PITPNC1: variants seen among roughly 807,000 people sequenced by gnomAD.
PITPNC1 encodes the protein phosphatidylinositol transfer protein cytoplasmic 1, also known as cytoplasmic phosphatidylinositol transfer protein 1.
In PITPNC1, 18 loss-of-function variants were observed where a neutral mutation model predicts 44.7. The ratio of observed to expected loss-of-function variants is 0.40; its 90% CI spans 0.28 to 0.60. The LOEUF (loss-of-function observed/expected upper bound fraction) is 0.60, where lower values mean the gene tolerates loss of function less well. Ranked by LOEUF, PITPNC1 falls within the 20% of genes least tolerant of loss-of-function variation. The pLI, the probability that PITPNC1 is intolerant of heterozygous loss-of-function variation, is 0.39. For synonymous variants in PITPNC1, 141 were observed against 149.6 expected (o/e 0.94, Z 0.42); for missense variants, 290 against 418.4 (o/e 0.69, Z 2.68).
intron 6 of PITPNC1, among the ~76,000 whole-genome samples, chr17:67,661,938 T>C (rs577085687): frequency 1.5e-4 from 22 of 151,566 alleles, no homozygotes; most frequent in Non-Finnish European, 2.7e-4. Flanking sequence ...GAGGTTGCAG[T>C]GAGCCAAGAT....
intron 5 of PITPNC1, among the ~76,000 whole-genome samples, chr17:67,601,610 G>A (rs2144274381): frequency 6.6e-6 from 1 of 152,048 alleles, no homozygotes; most frequent in African/African-American, 2.4e-5. Context: ...AAAAAATTTG[G>A]CAAGCATGGT....
chr17:67,527,782 A>C (rs1222200071), intron 1 of PITPNC1, among the ~76,000 whole-genome samples: 2 of 152,142 alleles, frequency 1.3e-5, no homozygotes, highest in African/African-American at 4.8e-5. Flanking sequence ...AAGTGGGAGA[A>C]TTGCTTAAGG....
Position 67,692,923 on chromosome 17 carries a change from C to T in PITPNC1, c.*35C>T. On this transcript the variant is annotated 3_prime_UTR_variant, in exon 9 of 9. Transcript: ENST00000581322. ...AATATCTCATGGGGTTTTATATTTT[C>T]ATTTGTTGTTGTTGTTTTTTTTTAA... 1 of 1,299,498 alleles carries T rather than the reference C, an allele frequency of 7.7e-7. No individual in the cohort carries two copies. The highest frequency in any genetic ancestry group is 1.5e-5 in the African/African-American group (1 of 66,920). 80.5% of individuals were successfully genotyped at this position (1,299,498 alleles called of 1,614,324 possible).
chr17:67,672,898 A>G lies in PITPNC1; in HGVS notation c.619-2581A>G, dbSNP rs537638352. Among the ~76,000 whole-genome samples the G allele has an allele frequency of 1.2e-3, 181 of 152,060 alleles. 1 individual carries two copies. Among genetic ancestry groups the G allele is most frequent in the Non-Finnish European group, 2.0e-3 (138 of 68,014 alleles). Reference sequence around the variant, plus strand: ...AACACCTTTGTTTTTTTAAGAATCTATTCACAGTTAAGGGGAAAAAAATGT... The same window carrying G: ...AACACCTTTGTTTTTTTAAGAATCTGTTCACAGTTAAGGGGAAAAAAATGT... On this transcript the variant is annotated intron_variant, in intron 7 of 8. Coordinates refer to ENST00000581322, the MANE Select transcript of PITPNC1 (RefSeq NM_012417.4).
intron 1 of PITPNC1, among the ~76,000 whole-genome samples, chr17:67,423,985 A>T (rs541029439): frequency 6.7e-6 from 1 of 148,842 alleles, no homozygotes; most frequent in African/African-American, 2.5e-5. Flanking sequence ...TCCAAAACCT[A>T]TTGGTGTTCC....
chr17:67,566,122 A>G (rs1012588383), intron 4 of PITPNC1, among the ~76,000 whole-genome samples: 1 of 152,144 alleles, frequency 6.6e-6, no homozygotes, highest in African/African-American at 2.4e-5. Context: ...TAGGACCAAC[A>G]ATACAGTTAA....
At chr17:67,489,397 T>C (rs1229904933) in intron 1 of PITPNC1, among the ~76,000 whole-genome samples, 1 of 152,214 alleles carries the variant, frequency 6.6e-6, no homozygotes, top group Admixed American at 6.5e-5. Context: ...CTAAAGATCA[T>C]GGGCTATAAA....
At position 67,524,748 on chromosome 17, in the gene PITPNC1, CTTTTTTTTTTTTTTTTTTTTT is replaced by C. The variant is rs1000220869; in HGVS notation, c.49-8042_49-8022del. The C allele has an allele frequency of 2.3e-3, 15 of 6,650 alleles. 5 individuals are homozygous for C. The highest frequency in any genetic ancestry group is 0.012 in the African/African-American group (12 of 1,016). 0.4% of individuals were successfully genotyped at this position (6,650 alleles called of 1,614,324 possible). On this transcript the variant is annotated intron_variant, in intron 1 of 8. Transcript: ENST00000581322. ...TGTTTCAAACATATATGAAGGTTTT[CTTTTTTTTTTTTTTTTTTTTT>C]TTTTTTTTTTTGAGACGGAGTCTCG...
intron 1 of PITPNC1, among the ~76,000 whole-genome samples, chr17:67,409,071 CTTTTTT>C (rs1159310735): frequency 1.6e-4 from 13 of 80,520 alleles, no homozygotes; most frequent in Non-Finnish European, 2.2e-4. Context: ...CAAATTCATT[CTTTTTT>C]TTTTTTTTTT....
At chr17:67,414,983 C>T (rs372648812) in intron 1 of PITPNC1, among the ~76,000 whole-genome samples, 1 of 152,054 alleles carries the variant, frequency 6.6e-6, no homozygotes, top group Non-Finnish European at 1.5e-5. Context: ...TGGGTTCAAG[C>T]GATTCTCCAT....
intron 1 of PITPNC1, among the ~76,000 whole-genome samples, chr17:67,434,437 C>G (rs1364707382): frequency 6.6e-6 from 1 of 152,204 alleles, no homozygotes; most frequent in African/African-American, 2.4e-5. Flanking sequence ...CCGGCTCCCA[C>G]AGGCCCATTA....
At chr17:67,494,185 T>TTCTC in intron 1 of PITPNC1, among the ~76,000 whole-genome samples, 26 of 102,494 alleles carry the variant, frequency 2.5e-4, no homozygotes, top group East Asian at 8.7e-4. Context: ...CTTTCTTTCT[T>TTCTC]TTTCTTTCTT....
At chr17:67,514,082 T>G (rs2040226890) in intron 1 of PITPNC1, among the ~76,000 whole-genome samples, 1 of 151,928 alleles carries the variant, frequency 6.6e-6, no homozygotes, top group African/African-American at 2.4e-5. Context: ...GATACGGAGC[T>G]TGTTCACTGC....
At chr17:67,629,353 A>G (rs989994366) in intron 5 of PITPNC1, among the ~76,000 whole-genome samples, 32 of 151,778 alleles carry the variant, frequency 2.1e-4, no homozygotes, top group African/African-American at 7.3e-4. Flanking sequence ...GCTCACTGCA[A>G]TGTCCACCTC....
chr17:67,437,607 G>C (rs2038954960), intron 1 of PITPNC1, among the ~76,000 whole-genome samples: 2 of 152,292 alleles, frequency 1.3e-5, no homozygotes, highest in Middle Eastern at 3.4e-3. Flanking sequence ...TGGTTTCTTA[G>C]GAATATTTGC....
intron 1 of PITPNC1, among the ~76,000 whole-genome samples, chr17:67,448,845 T>C (rs1010461163): frequency 2.0e-5 from 3 of 152,158 alleles, no homozygotes; most frequent in Non-Finnish European, 2.9e-5. Flanking sequence ...AGTGGCACGA[T>C]CTCCTCCGCC....
At chr17:67,669,842 C>A (rs941252722) in intron 7 of PITPNC1, among the ~76,000 whole-genome samples, 179 bp downstream of exon 7, 6 of 152,070 alleles carry the variant, frequency 3.9e-5, no homozygotes, top group Non-Finnish European at 8.8e-5. Context: ...GAGGCCGAGG[C>A]GGGTAGATCA....
At chr17:67,478,140 T>C (rs2039656421) in intron 1 of PITPNC1, among the ~76,000 whole-genome samples, 1 of 152,152 alleles carries the variant, frequency 6.6e-6, no homozygotes, top group Non-Finnish European at 1.5e-5. Context: ...CAGTAGATGT[T>C]GGATTTGGAA....
intron 1 of PITPNC1, among the ~76,000 whole-genome samples, chr17:67,481,122 C>A (rs2039695680): frequency 6.6e-6 from 1 of 152,164 alleles, no homozygotes; most frequent in Non-Finnish European, 1.5e-5. Context: ...CAGGAGAATC[C>A]CTTGAACCCA....
Sources: allele counts gnomAD v4.1 joint callset (sites outside exome capture counted in the v4.1 genomes callset), GRCh38; gene constraint gnomAD v4.1.1; transcripts MANE v1.5; gene names NCBI Gene and HGNC (gene_info 2026-07-23, HGNC 2026-07-21).